RORA: variants seen among roughly 807,000 people sequenced by gnomAD.
RORA encodes nuclear receptor ROR-alpha.
RORA carries 7 observed loss-of-function variants against 69.5 expected under a neutral mutation model. That is an observed-to-expected ratio of 0.10 (90% CI 0.06 to 0.19). RORA has a LOEUF of 0.19. RORA is among the 10% of genes least tolerant of loss of function. The pLI, the probability that RORA is intolerant of heterozygous loss-of-function variation, is 1.00. For synonymous variants in RORA, 261 were observed against 240.8 expected (o/e 1.08, Z -0.78); for missense variants, 457 against 663.0 (o/e 0.69, Z 3.41).
rs78826844 is a variant in RORA at position 60,602,588 on chromosome 15, C to T, written c.197-70737G>A. Among the ~76,000 whole-genome samples the T allele has an allele frequency of 5.3e-3, 800 of 152,224 alleles. 4 individuals carry two copies. Among genetic ancestry groups the T allele is most frequent in the African/African-American group, 0.018 (731 of 41,534 alleles). ...ACATGTTTTATATGTTCAGAGAGATCGCTGCTCAGTTTGCAGTATAACATA... is the reference window on the plus strand; with the variant it reads ...ACATGTTTTATATGTTCAGAGAGATTGCTGCTCAGTTTGCAGTATAACATA... On this transcript the variant is annotated intron_variant, in intron 2 of 10. Transcript: ENST00000335670.
Position 60,496,414 on chromosome 15 carries a change from C to T in RORA, c.*1041G>A, listed in dbSNP as rs1470247582. Reference sequence around the variant, plus strand: ...ACTGAATTGTGTAAAATGAGCTTCTCCTCCCCCTCGCCTCCATGAGGTGGC... The same window carrying T: ...ACTGAATTGTGTAAAATGAGCTTCTTCTCCCCCTCGCCTCCATGAGGTGGC... On this transcript the variant is annotated 3_prime_UTR_variant, in exon 11 of 11. Transcript: ENST00000335670. This position sits in a 1 kb window ranked among gnomAD's most constrained non-coding sequence, Gnocchi z 4.5. 3.9e-5 allele frequency: 6 copies of T among 151,986 alleles called. No individual in the cohort carries two copies. The East Asian group carries it at 1.2e-3, about 29-fold the overall frequency. 9.4% of individuals were successfully genotyped at this position (151,986 alleles called of 1,614,324 possible).
At chr15:61,017,699 C>A (rs189038819) in intron 1 of RORA, among the ~76,000 whole-genome samples, 147 of 152,220 alleles carry the variant, frequency 9.7e-4, no homozygotes, top group Non-Finnish European at 1.7e-3. Flanking sequence ...AAATCAGCCA[C>A]GAGCCCCCCA....
At chr15:60,985,986 C>T (rs1023648535) in intron 1 of RORA, among the ~76,000 whole-genome samples, 2 of 152,134 alleles carry the variant, frequency 1.3e-5, no homozygotes, top group South Asian at 2.1e-4. Flanking sequence ...ACAACGGATC[C>T]GAATCAAGTT....
At chr15:60,643,862 A>AT (rs1409288988) in intron 2 of RORA, among the ~76,000 whole-genome samples, 1 of 152,206 alleles carries the variant, frequency 6.6e-6, no homozygotes, top group Non-Finnish European at 1.5e-5. Context: ...CTGTTCTAGA[A>AT]TGGGAAAAAA....
rs1456997693 is a variant in RORA at position 61,128,537 on chromosome 15, C to T, written c.166+100516G>A. The stretch of plus-strand genomic sequence containing the variant: ...CACAGACCTATGACGCTGTTGATTA[C>T]GTTAGATAACTCAGGGATACGGGGA... On this transcript the variant is annotated intron_variant, in intron 1 of 10. Transcript: ENST00000335670. This position sits in a 1 kb window ranked among gnomAD's most constrained non-coding sequence, Gnocchi z 4.5. Among the ~76,000 whole-genome samples, 2 of 152,122 alleles carry T rather than the reference C, an allele frequency of 1.3e-5. No individual in the cohort carries two copies. The highest frequency in any genetic ancestry group is 1.9e-4 in the East Asian group (1 of 5,194).
intron 2 of RORA, among the ~76,000 whole-genome samples, chr15:60,621,196 T>C (rs947096665): frequency 1.0e-4 from 14 of 140,444 alleles, no homozygotes. Flanking sequence ...TGAACTTTCA[T>C]CGAATATATA....
At chr15:61,166,747 G>C (rs2079542334) in intron 1 of RORA, among the ~76,000 whole-genome samples, 1 of 152,062 alleles carries the variant, frequency 6.6e-6, no homozygotes, top group Non-Finnish European at 1.5e-5. Context: ...TCCTAGCACA[G>C]TGCTCATCCC....
chr15:60,727,815 C>T (rs2071380370), intron 1 of RORA, among the ~76,000 whole-genome samples: 1 of 152,176 alleles, frequency 6.6e-6, no homozygotes, highest in South Asian at 2.1e-4. Flanking sequence ...TTCAATGGGG[C>T]ACCTGCCTGC....
chr15:60,761,239 G>GT (rs2071883782), intron 1 of RORA, among the ~76,000 whole-genome samples: 1 of 152,152 alleles, frequency 6.6e-6, no homozygotes. Flanking sequence ...CCACTCACCA[G>GT]TTGTGGCTGT....
chr15:60,612,840 T>C (rs112453563), intron 2 of RORA, among the ~76,000 whole-genome samples: 3,888 of 152,252 alleles, frequency 0.026, 74 homozygotes, highest in Non-Finnish European at 0.04. Context: ...CAATCTGTGA[T>C]TCTTGGGAAG....
intron 1 of RORA, among the ~76,000 whole-genome samples, chr15:61,151,006 A>G (rs1331039267): frequency 6.6e-6 from 1 of 152,260 alleles, no homozygotes; most frequent in Non-Finnish European, 1.5e-5. Context: ...TTGGAACTTC[A>G]TGGATTACCT....
At chr15:61,165,270 C>T (rs2079531493) in intron 1 of RORA, among the ~76,000 whole-genome samples, 1 of 152,182 alleles carries the variant, frequency 6.6e-6, no homozygotes, top group African/African-American at 2.4e-5. Context: ...TTTATTGTGG[C>T]TGCAACTCCA....
intron 1 of RORA, among the ~76,000 whole-genome samples, chr15:61,059,158 A>G (rs1482601961): frequency 6.6e-6 from 1 of 152,226 alleles, no homozygotes; most frequent in African/African-American, 2.4e-5. Context: ...AAGACAGATT[A>G]TAGTCTCCTA....
At chr15:61,056,107 A>C (rs2078092730) in intron 1 of RORA, among the ~76,000 whole-genome samples, 1 of 152,260 alleles carries the variant, frequency 6.6e-6, no homozygotes, top group African/African-American at 2.4e-5. Context: ...AGACATATTA[A>C]GAATGAAAGC....
intron 2 of RORA, among the ~76,000 whole-genome samples, chr15:60,655,325 G>A (rs992344761): frequency 2.6e-5 from 4 of 152,114 alleles, no homozygotes; most frequent in Non-Finnish European, 5.9e-5. Flanking sequence ...CCATGGCAAG[G>A]CCCCAGCGGT....
intron 1 of RORA, among the ~76,000 whole-genome samples, chr15:61,124,154 C>A (rs1275648635): frequency 1.3e-5 from 2 of 152,218 alleles, no homozygotes; most frequent in East Asian, 3.8e-4. Context: ...CCTCTTAGCC[C>A]ATTATGCAGC....
At chr15:61,012,520 A>C (rs928834019) in intron 1 of RORA, among the ~76,000 whole-genome samples, 1 of 152,250 alleles carries the variant, frequency 6.6e-6, no homozygotes, top group Non-Finnish European at 1.5e-5. Flanking sequence ...TATAATTCAA[A>C]CAAAATTCAT....
chr15:61,203,605 A>G (rs1369903769), intron 1 of RORA, among the ~76,000 whole-genome samples: 4 of 152,244 alleles, frequency 2.6e-5, no homozygotes, highest in African/African-American at 9.6e-5. Context: ...GATCACTCAT[A>G]TATCCAACAG....
At chr15:60,501,970 G>A (rs1260777182) in intron 8 of RORA, among the ~76,000 whole-genome samples, 2 of 151,892 alleles carry the variant, frequency 1.3e-5, no homozygotes, top group Non-Finnish European at 2.9e-5. Flanking sequence ...TTAAATTATA[G>A]AAATCCAAAA....
Sources: allele counts gnomAD v4.1 joint callset (sites outside exome capture counted in the v4.1 genomes callset), GRCh38; gene constraint gnomAD v4.1.1; non-coding constraint Gnocchi (gnomAD v3.1); transcripts MANE v1.5; gene names NCBI Gene and HGNC (gene_info 2026-07-23, HGNC 2026-07-21).